GLB1: variants seen among roughly 807,000 people sequenced by gnomAD.
GLB1 encodes galactosidase beta 1.
Under a neutral mutation model 74.0 loss-of-function variants are expected in GLB1, and 56 were observed. The ratio of observed to expected loss-of-function variants is 0.76; its 90% confidence interval spans 0.61 to 0.94. GLB1 has a LOEUF of 0.94. Ranked by LOEUF, GLB1 falls within the 40% of genes least tolerant of loss-of-function variation. The pLI, the probability that GLB1 is intolerant of heterozygous loss-of-function variation, is 0.00. For missense variants in GLB1, 787 were observed against 845.5 expected (o/e 0.93, Z 0.86); for synonymous variants, 323 against 323.6 (o/e 1.00, Z 0.02).
the GLB1 span, among the ~76,000 whole-genome samples, chr3:32,971,407 C>T: frequency 6.6e-6 from 1 of 152,356 alleles, no homozygotes; most frequent in Admixed American, 6.5e-5. Flanking sequence ...AGTGCCCGAG[C>T]TTCCTCCATC....
the GLB1 span, among the ~76,000 whole-genome samples, chr3:32,977,517 C>G: frequency 6.6e-6 from 1 of 152,006 alleles, no homozygotes; most frequent in African/African-American, 2.4e-5. Context: ...CAAATCTTAT[C>G]TAGATTTTTA....
chr3:33,092,971 G>A, intron 1 of GLB1: 1 of 1,614,222 alleles, frequency 6.2e-7, no homozygotes, highest in Non-Finnish European at 8.5e-7. Flanking sequence ...GCAAAGAAGG[G>A]ATTCAGGAGA....
At chr3:33,096,708 T>C (rs997976134) in intron 1 of GLB1, 4 of 1,218,322 alleles carry the variant, frequency 3.3e-6, no homozygotes, top group African/African-American at 1.6e-5. Context: ...TTAGGAAATG[T>C]TTACACGCAC....
At chr3:32,980,108 T>C in the GLB1 span, among the ~76,000 whole-genome samples, 6 of 152,262 alleles carry the variant, frequency 3.9e-5, no homozygotes, top group African/African-American at 1.4e-4. Flanking sequence ...AAATATTCAA[T>C]ACATTATTGT....
chr3:33,082,594 T>C (rs561096868), intron 1 of GLB1, among the ~76,000 whole-genome samples: 6 of 152,354 alleles, frequency 3.9e-5, no homozygotes, highest in African/African-American at 1.4e-4. Flanking sequence ...GCAGCTACCA[T>C]GTAGGTATGG....
intron 1 of GLB1, chr3:33,090,366 G>A (rs780518111): frequency 7.1e-6 from 7 of 982,720 alleles, no homozygotes; most frequent in East Asian, 1.1e-4. Context: ...GTACATGTAC[G>A]AAAAGTTTAA....
At position 33,026,130 on chromosome 3, in the gene GLB1, C is replaced by T. The variant is rs574113232; in HGVS notation, c.1069-1805G>A. On this transcript the variant is annotated intron_variant, in intron 10 of 15. Transcript: ENST00000307363. ...GCTGGGCGTGGCTGCAGCTACCAAG[C>T]TGCAGCTGCAGACGGAAACATCTCT... Among the ~76,000 whole-genome samples the T allele has an allele frequency of 3.3e-5, 5 of 152,298 alleles. No individual in the cohort carries two copies. The East Asian group carries it at 9.7e-4, about 29-fold the overall frequency.
At position 33,013,967 on chromosome 3, in the gene GLB1, C is replaced by G. The variant is rs995808547; in HGVS notation, c.1734+89G>C. 9 of 1,604,354 alleles carry G rather than the reference C, an allele frequency of 5.6e-6. No homozygotes were observed. In the African/African-American group the frequency reaches 1.2e-4, roughly 21 times the overall value. On this transcript the variant is annotated intron_variant, in intron 15 of 15. Transcript: ENST00000307363. ...CACACTCAAAACCATCACACGATAT[C>G]TCACTAACAGCTCTTTGTGATTCTT...
chr3:33,057,521 C>T (rs572361349), intron 6 of GLB1, among the ~76,000 whole-genome samples: 28 of 152,334 alleles, frequency 1.8e-4, no homozygotes, highest in African/African-American at 6.5e-4. Context: ...ACAGTTTACA[C>T]AGCACTGTGT....
At chr3:33,055,917 A>G (rs1289198956) in intron 6 of GLB1, among the ~76,000 whole-genome samples, 2 of 151,930 alleles carry the variant, frequency 1.3e-5, no homozygotes, top group African/African-American at 2.4e-5. Flanking sequence ...TTGATAAGGT[A>G]GAAGAACCTC....
In GLB1 at chr3:33,058,109, G is replaced by C; in HGVS notation, c.713C>G (p.Thr238Ser). ...LKCGALQGLY[T>S]TVDFGTGSNI... is the part of the protein sequence containing the mutation. ...CCAACCTGTTCCAAAGTCCACCGTG[G>C]TGTAGAGGCCCTGCAGGGCCCCACA... Residue 238 changes from threonine (T) to serine (S), a missense_variant, in exon 6 of 16, where the codon ACC (threonine) becomes AGC (serine). By Grantham distance (58) the Thr-to-Ser change is moderately conservative. Transcript: ENST00000307363. The C allele has an allele frequency of 6.2e-7, 1 of 1,613,960 alleles. No homozygotes were observed.
At chr3:33,084,193 C>G (rs1700423729) in intron 1 of GLB1, among the ~76,000 whole-genome samples, 1 of 152,200 alleles carries the variant, frequency 6.6e-6, no homozygotes, top group Admixed American at 6.5e-5. Context: ...ATCCTCTTAG[C>G]CTGCAAGCAC....
At chr3:33,013,730 C>T (rs1697120592) in intron 15 of GLB1, among the ~76,000 whole-genome samples, 1 of 152,112 alleles carries the variant, frequency 6.6e-6, no homozygotes, top group South Asian at 2.1e-4. Flanking sequence ...AGGGATCCAC[C>T]TCTTTGTCTT....
rs147148670 is a variant in GLB1, at chr3:33,029,437, G to A, written c.1069-5112C>T. 5.6e-3 allele frequency among the ~76,000 whole-genome samples: 855 copies of A among 152,196 alleles called. 5 individuals are homozygous for A. Among genetic ancestry groups the A allele is most frequent in the Admixed American group, 8.2e-3 (125 of 15,292 alleles). On this transcript the variant is annotated intron_variant, in intron 10 of 15. Coordinates refer to ENST00000307363, the MANE Select transcript of GLB1 (RefSeq NM_000404.4). The stretch of plus-strand genomic sequence containing the variant: ...GAAAGTACTCTGTGTCAGGTCCTAT[G>A]CTTGGTACTAGACTTATAAACCTAT...
At chr3:33,046,517 C>T (rs1193488693) in intron 9 of GLB1, among the ~76,000 whole-genome samples, 6 of 152,088 alleles carry the variant, frequency 3.9e-5, no homozygotes, top group African/African-American at 1.2e-4. Context: ...CCCCACTGGA[C>T]AAGCAGGGAA....
chr3:33,006,627 T>A (rs897708057), intron 15 of GLB1, among the ~76,000 whole-genome samples: 13 of 152,220 alleles, frequency 8.5e-5, no homozygotes, highest in African/African-American at 3.1e-4. Context: ...GAGCAGAACA[T>A]GCCTGACCCC....
chr3:33,053,156 G>A (rs1242071233), intron 7 of GLB1, among the ~76,000 whole-genome samples: 3 of 152,108 alleles, frequency 2.0e-5, no homozygotes, highest in Non-Finnish European at 4.4e-5. Flanking sequence ...AGTGACATAG[G>A]TTCCCTGAGC....
chr3:33,023,706 C>G (rs879862783), intron 11 of GLB1, among the ~76,000 whole-genome samples: 2 of 152,068 alleles, frequency 1.3e-5, no homozygotes, highest in African/African-American at 2.4e-5. Flanking sequence ...TTCGCTTTTC[C>G]TAGAATACAT....
intron 10 of GLB1, among the ~76,000 whole-genome samples, chr3:33,029,304 G>C (rs1421875521): frequency 1.3e-5 from 2 of 152,024 alleles, no homozygotes; most frequent in African/African-American, 4.8e-5. Flanking sequence ...ATTCAACACG[G>C]GAAGCTGCTC....
Sources: gnomAD v4.1 joint callset for allele counts (sites outside exome capture counted in the v4.1 genomes callset) on GRCh38, gnomAD v4.1.1 for gene constraint, MANE v1.5 for transcripts, NCBI Gene and HGNC (gene_info 2026-07-23, HGNC 2026-07-21) for gene names.